The following PPFIA2 variants were observed in gnomAD, a reference collection of about 807,000 sequenced individuals.
PPFIA2 encodes liprin-alpha-2.
Under a neutral mutation model 175.5 loss-of-function variants are expected in PPFIA2, and 46 were observed. The observed-to-expected ratio is 0.26, with a 90% CI of 0.21 to 0.34. The LOEUF (loss-of-function observed/expected upper bound fraction) is 0.34. Among genes scored for constraint, PPFIA2 ranks in the 10% least tolerant of loss-of-function variants. The pLI is 1.00. For missense variants in PPFIA2, 1,179 were observed against 1,506.1 expected (o/e 0.78, Z 3.60); for synonymous variants, 568 against 511.4 (o/e 1.11, Z -1.49).
At chr12:81,577,568 AT>A (rs1259078273) in intron 4 of PPFIA2, among the ~76,000 whole-genome samples, 1 of 152,018 alleles carries the variant, frequency 6.6e-6, no homozygotes, top group East Asian at 1.9e-4. Context: ...TTTAGAAAAG[AT>A]TTTCAGCAAG....
intron 7 of PPFIA2, among the ~76,000 whole-genome samples, chr12:81,417,530 C>T (rs1437903977): frequency 6.6e-6 from 1 of 151,348 alleles, no homozygotes; most frequent in Non-Finnish European, 1.5e-5. Context: ...ATTAATCAAT[C>T]TTGCATATAA....
At position 81,341,095 on chromosome 12, in the gene PPFIA2, G is replaced by A; in HGVS notation, c.2376C>T (p.Tyr792=). 6.2e-7 allele frequency: 1 copy of A among 1,610,482 alleles called. No individual in the cohort carries two copies. The highest frequency in any genetic ancestry group is 1.3e-5 in the African/African-American group (1 of 74,904). ...LRMTHTLPSS[Y]HNDARSSLSV... is the part of the protein sequence containing the mutation. ...AGTCTTACCTTCGAGCATCATTGTGGTAGGAAGAAGGGAGAGTGTGAGTCA... is the reference window on the plus strand; with the variant it reads ...AGTCTTACCTTCGAGCATCATTGTGATAGGAAGAAGGGAGAGTGTGAGTCA... Residue 792 remains tyrosine, a synonymous_variant, in exon 20 of 33, where the codon TAC becomes TAT. Transcript: ENST00000549396.
At chr12:81,507,099 G>T (rs1355529801) in intron 4 of PPFIA2, among the ~76,000 whole-genome samples, 1 of 152,132 alleles carries the variant, frequency 6.6e-6, no homozygotes, top group Non-Finnish European at 1.5e-5. Context: ...TGGTTCAGAT[G>T]AGCAATGCTG....
intron 6 of PPFIA2, among the ~76,000 whole-genome samples, chr12:81,445,048 C>A (rs1464839981): frequency 6.6e-6 from 1 of 151,880 alleles, no homozygotes; most frequent in Admixed American, 6.6e-5. Flanking sequence ...AGAGAATATT[C>A]AAATGAATAT....
At chr12:81,406,587 TATAGC>T (rs2042977522) in intron 7 of PPFIA2, among the ~76,000 whole-genome samples, 1 of 152,072 alleles carries the variant, frequency 6.6e-6, no homozygotes, top group African/African-American at 2.4e-5. Flanking sequence ...CTCGGGTACT[TATAGC>T]ATAAGTGATC....
rs115316242 is a variant in PPFIA2, at chr12:81,553,691, C to T, written c.304-95825G>A. Among the ~76,000 whole-genome samples the T allele has an allele frequency of 1.0e-3, 154 of 152,058 alleles. 2 individuals are homozygous for T. Among genetic ancestry groups the T allele is most frequent in the African/African-American group, 3.6e-3 (149 of 41,522 alleles). ...GAAACCATCCTTGCTTGACACCAGCCCATCAAAGACTTTGCATGATGCTAG... is the reference window on the plus strand; with the variant it reads ...GAAACCATCCTTGCTTGACACCAGCTCATCAAAGACTTTGCATGATGCTAG... On this transcript the variant is annotated intron_variant, in intron 4 of 32. Transcript: ENST00000549396.
Position 81,284,279 on chromosome 12 carries a change from G to A in PPFIA2, c.2950C>T (p.His984Tyr). The A allele has an allele frequency of 6.3e-7, 1 of 1,598,200 alleles. No individual in the cohort carries two copies. Among genetic ancestry groups the A allele is most frequent in the Non-Finnish European group, 8.6e-7 (1 of 1,168,496 alleles). Residue 984 changes from histidine to tyrosine, a missense_variant, in exon 25 of 33, where the codon CAT (histidine) becomes TAT (tyrosine). Physicochemically the swap from His to Tyr is moderately conservative, Grantham distance 83 (BLOSUM62 2). Around this residue, in one of 10 missense-constraint regions of PPFIA2, gnomAD observed 245 missense variants for 375.1 expected, o/e 0.65. Coordinates refer to ENST00000549396, the MANE Select transcript of PPFIA2 (RefSeq NM_003625.5). ...GCTGCAAGATTTTCCATTTCTTCAT[G>A]AGTCACCCAAACGTTGCCTGAAGGC... ...RTPSGNVWVT[H>Y]EEMENLAAPA...
At chr12:81,551,199 T>C (rs146399706) in intron 4 of PPFIA2, among the ~76,000 whole-genome samples, 244 of 152,038 alleles carry the variant, frequency 1.6e-3, no homozygotes, top group African/African-American at 5.8e-3. Flanking sequence ...TAGCAGATGT[T>C]CAATAAAGTT....
intron 11 of PPFIA2, among the ~76,000 whole-genome samples, chr12:81,374,075 C>T (rs771152010): frequency 2.0e-4 from 30 of 152,006 alleles, no homozygotes; most frequent in Admixed American, 3.9e-4. Flanking sequence ...AATCTACTGG[C>T]CATATTATAC....
intron 3 of PPFIA2, among the ~76,000 whole-genome samples, chr12:81,709,012 TCA>T (rs2077551330): frequency 6.6e-6 from 1 of 152,178 alleles, no homozygotes; most frequent in Non-Finnish European, 1.5e-5. Flanking sequence ...TAAATTGTAC[TCA>T]GATTAAAAAC....
At chr12:81,433,463 T>C (rs2048449746) in intron 7 of PPFIA2, among the ~76,000 whole-genome samples, 1 of 152,198 alleles carries the variant, frequency 6.6e-6, no homozygotes, top group African/African-American at 2.4e-5. Flanking sequence ...TCTCTTTCAC[T>C]AGAGGGCAAG....
At chr12:81,334,603 G>A (rs2056784467) in intron 21 of PPFIA2, among the ~76,000 whole-genome samples, 1 of 151,926 alleles carries the variant, frequency 6.6e-6, no homozygotes, top group African/African-American at 2.4e-5. Context: ...ACAAAAATGA[G>A]TTTTTGAATG....
chr12:81,271,583 T>A (rs930430957), intron 28 of PPFIA2, among the ~76,000 whole-genome samples: 1 of 152,226 alleles, frequency 6.6e-6, no homozygotes, highest in Non-Finnish European at 1.5e-5. Context: ...ATTAGCTTTT[T>A]ATATTTACAC....
intron 4 of PPFIA2, among the ~76,000 whole-genome samples, chr12:81,593,350 T>G (rs771386888): frequency 6.6e-6 from 1 of 152,202 alleles, no homozygotes; most frequent in Non-Finnish European, 1.5e-5. Flanking sequence ...TCTTACTTTG[T>G]GTGGTACACA....
At chr12:81,715,880 A>C (rs1299207021) in intron 3 of PPFIA2, among the ~76,000 whole-genome samples, 1 of 151,678 alleles carries the variant, frequency 6.6e-6, no homozygotes, top group African/African-American at 2.4e-5. Context: ...GAACACAATT[A>C]TAGTTTCTTA....
At chr12:81,602,516 AAT>A (rs1200345409) in intron 4 of PPFIA2, among the ~76,000 whole-genome samples, 1 of 150,842 alleles carries the variant, frequency 6.6e-6, no homozygotes, top group Non-Finnish European at 1.5e-5. Flanking sequence ...TATATACTAG[AAT>A]AAAGATATAT....
intron 14 of PPFIA2, 104 bp from the exon 15 acceptor site, chr12:81,362,888 AT>A: frequency 1.5e-6 from 1 of 679,172 alleles, no homozygotes; most frequent in Non-Finnish European, 2.4e-6. Flanking sequence ...CTGAGGATAT[AT>A]TTTTATTAAA....
intron 16 of PPFIA2, among the ~76,000 whole-genome samples, chr12:81,354,763 C>T (rs190118847): frequency 1.3e-5 from 2 of 152,138 alleles, no homozygotes; most frequent in Non-Finnish European, 2.9e-5. Flanking sequence ...CATGCCTCAG[C>T]CTTCAGAGTA....
chr12:81,288,934 G>A (rs1472175799), intron 24 of PPFIA2, among the ~76,000 whole-genome samples: 11 of 151,656 alleles, frequency 7.3e-5, no homozygotes, highest in African/African-American at 2.7e-4. Flanking sequence ...ATGAAAAGAG[G>A]AATCAAACAG....
Sources: gnomAD v4.1 joint callset for allele counts (sites outside exome capture counted in the v4.1 genomes callset) on GRCh38, gnomAD v4.1.1 for gene constraint, gnomAD v4.1.1 regional missense constraint, MANE v1.5 for transcripts, NCBI Gene and HGNC (gene_info 2026-07-23, HGNC 2026-07-21) for gene names.